The following SH3RF3 variants were observed in gnomAD, a reference collection of about 807,000 sequenced individuals.
SH3RF3 encodes the protein SH3 domain containing ring finger 3.
SH3RF3 carries 29 observed loss-of-function variants against 66.3 expected under a neutral mutation model. That is an observed-to-expected ratio of 0.44 (90% CI 0.33 to 0.60). SH3RF3 has a LOEUF of 0.60. Among genes scored for constraint, SH3RF3 ranks in the 20% least tolerant of loss-of-function variants. SH3RF3 has a pLI of 0.04. For synonymous variants in SH3RF3, 583 were observed against 532.0 expected (o/e 1.10, Z -1.32); for missense variants, 1,194 against 1,190.9 (o/e 1.00, Z -0.04).
chr2:109,496,776 G>A (rs575589123), intron 9 of SH3RF3, among the ~76,000 whole-genome samples: 6,761 of 114,818 alleles, frequency 0.059, 196 homozygotes, highest in Non-Finnish European at 0.08. Context: ...ACCATACATG[G>A]CAAAGAGAAA....
intron 1 of SH3RF3, among the ~76,000 whole-genome samples, chr2:109,148,541 A>G (rs924937373): frequency 2.6e-5 from 4 of 152,226 alleles, no homozygotes. Flanking sequence ...GGGGAATATT[A>G]CTGCTGACTG....
chr2:109,242,567 A>G (rs59655754), intron 1 of SH3RF3, among the ~76,000 whole-genome samples: 3,048 of 152,230 alleles, frequency 0.02, 109 homozygotes, highest in African/African-American at 0.069. Flanking sequence ...TGCACTGACC[A>G]CCGTGCCCCA....
rs747971275 is a variant in SH3RF3, at chr2:109,129,292, G to T, written c.-249G>T. ...GGCGGGACAGGTGTAGCCCGCAGCC[G>T]CAGGCGCTGCGCTCAGGACTGGGCG... On this transcript the variant is annotated 5_prime_UTR_variant, in exon 1 of 10. Transcript: ENST00000309415. 2.9e-6 allele frequency: 2 copies of T among 690,752 alleles called. No individual in the cohort carries two copies. Among genetic ancestry groups the T allele is most frequent in the South Asian group, 1.6e-5 (1 of 60,682 alleles). 42.8% of individuals were successfully genotyped at this position (690,752 alleles called of 1,614,324 possible).
chr2:109,366,817 C>T (rs1683159492), intron 2 of SH3RF3, among the ~76,000 whole-genome samples: 1 of 152,172 alleles, frequency 6.6e-6, no homozygotes, highest in Non-Finnish European at 1.5e-5. Context: ...TGTGCCACTG[C>T]ACTCCAGCCT....
chr2:109,452,303 A>T (rs1472674060), intron 8 of SH3RF3, among the ~76,000 whole-genome samples: 1 of 152,066 alleles, frequency 6.6e-6, no homozygotes, highest in Non-Finnish European at 1.5e-5. Context: ...CCATGACTAC[A>T]CTAAACAGGC....
At chr2:109,179,689 A>G (rs1678029115) in intron 1 of SH3RF3, among the ~76,000 whole-genome samples, 1 of 152,160 alleles carries the variant, frequency 6.6e-6, no homozygotes, top group Admixed American at 6.5e-5. Context: ...TAAAGCCACA[A>G]GTCCCATCAT....
intron 1 of SH3RF3, among the ~76,000 whole-genome samples, chr2:109,170,031 A>G (rs1468935084): frequency 6.6e-6 from 1 of 152,216 alleles, no homozygotes; most frequent in Non-Finnish European, 1.5e-5. Flanking sequence ...CATATGGCTC[A>G]TAACTGTTAT....
At chr2:109,371,895 C>T (rs113872086) in intron 3 of SH3RF3, among the ~76,000 whole-genome samples, 2,784 of 152,328 alleles carry the variant, frequency 0.018, 81 homozygotes, top group African/African-American at 0.058. Flanking sequence ...TGGCTGGTCC[C>T]AGGCCTGGCT....
At chr2:109,466,228 G>T (rs1024079003) in intron 8 of SH3RF3, among the ~76,000 whole-genome samples, 2 of 151,810 alleles carry the variant, frequency 1.3e-5, no homozygotes, top group African/African-American at 4.8e-5. Flanking sequence ...GACTACAGGC[G>T]CGTGCCACCA....
intron 2 of SH3RF3, among the ~76,000 whole-genome samples, chr2:109,360,917 A>G (rs1290990114): frequency 6.6e-6 from 1 of 152,212 alleles, no homozygotes; most frequent in Non-Finnish European, 1.5e-5. Context: ...GAAAGTTTAA[A>G]GTTTCCCACC....
chr2:109,485,304 G>T (rs1259814504), intron 8 of SH3RF3, among the ~76,000 whole-genome samples: 1 of 152,164 alleles, frequency 6.6e-6, no homozygotes, highest in African/African-American at 2.4e-5. Flanking sequence ...GTGCACTTAC[G>T]GGTCACATGT....
Position 109,280,396 on chromosome 2 carries a change from G to A in SH3RF3, c.574-67278G>A, listed in dbSNP as rs900271360. Among the ~76,000 whole-genome samples, 10 of 152,310 alleles carry A rather than the reference G, an allele frequency of 6.6e-5. No individual in the cohort carries two copies. In the South Asian group the frequency reaches 8.3e-4, roughly 13 times the overall value. On this transcript the variant is annotated intron_variant, in intron 1 of 9. Coordinates refer to ENST00000309415, the MANE Select transcript of SH3RF3 (RefSeq NM_001099289.3). ...GGACAGCAGCATCCCACCTGAGTGC[G>A]CTCTTGGCTAGGCAGGGTGATGGGG...
intron 7 of SH3RF3, 39 bp from the exon 8 acceptor site, chr2:109,449,131 T>G: frequency 6.3e-7 from 1 of 1,595,366 alleles, no homozygotes; most frequent in Non-Finnish European, 8.5e-7. Context: ...AGTTGCAAAC[T>G]AACCTTTCAA....
At chr2:109,458,830 A>G (rs2104675454) in intron 8 of SH3RF3, among the ~76,000 whole-genome samples, 1 of 152,318 alleles carries the variant, frequency 6.6e-6, no homozygotes, top group East Asian at 1.9e-4. Flanking sequence ...CTTAAGGTAA[A>G]CTGGCTGTAG....
intron 7 of SH3RF3, among the ~76,000 whole-genome samples, chr2:109,440,666 G>A (rs974196490): frequency 2.6e-5 from 4 of 152,144 alleles, no homozygotes; most frequent in African/African-American, 9.7e-5. Flanking sequence ...GCAGGCAGTG[G>A]CAAAAGGAGG....
intron 1 of SH3RF3, among the ~76,000 whole-genome samples, chr2:109,261,864 T>A (rs529832386): frequency 8.7e-4 from 133 of 152,250 alleles, no homozygotes; most frequent in African/African-American, 2.4e-3. Context: ...CTTTTTTTTT[T>A]AAATTTATTA....
chr2:109,407,890 A>G (rs1676488425), intron 4 of SH3RF3, among the ~76,000 whole-genome samples: 1 of 152,170 alleles, frequency 6.6e-6, no homozygotes, highest in Non-Finnish European at 1.5e-5. Context: ...TGGCGTCCTG[A>G]TGATTTTTGT....
chr2:109,486,871 C>T (rs975531331), intron 8 of SH3RF3, among the ~76,000 whole-genome samples: 3 of 152,194 alleles, frequency 2.0e-5, no homozygotes, highest in African/African-American at 4.8e-5. Flanking sequence ...ATCTGTCTCC[C>T]GCCCAGGCCA....
chr2:109,496,785 A>AG (rs1352750717), intron 9 of SH3RF3, among the ~76,000 whole-genome samples: 1 of 107,978 alleles, frequency 9.3e-6, no homozygotes, highest in African/African-American at 3.7e-5. Context: ...GGCAAAGAGA[A>AG]ATCAGGTTGC....
Sources: gnomAD v4.1 joint callset for allele counts (sites outside exome capture counted in the v4.1 genomes callset) on GRCh38, gnomAD v4.1.1 for gene constraint, MANE v1.5 for transcripts, NCBI Gene and HGNC (gene_info 2026-07-23, HGNC 2026-07-21) for gene names.